The following PRRX1 variants were observed in gnomAD, a reference collection of about 807,000 sequenced individuals.
The protein encoded by PRRX1 is paired related homeobox 1, also known as paired mesoderm homeobox protein 1.
PRRX1 carries 8 observed loss-of-function variants against 24.0 expected under a neutral mutation model. The observed-to-expected ratio is 0.33, with a 90% confidence interval of 0.20 to 0.60. PRRX1 has a LOEUF of 0.60. PRRX1 is among the 20% of genes least tolerant of loss of function. The pLI is 0.82. For missense variants in PRRX1, 281 were observed against 322.4 expected (o/e 0.87, Z 0.98); for synonymous variants, 160 against 131.7 (o/e 1.22, Z -1.47).
At chr1:170,673,440 C>A (rs1356110507) in intron 1 of PRRX1, among the ~76,000 whole-genome samples, 7 of 152,136 alleles carry the variant, frequency 4.6e-5, no homozygotes, top group African/African-American at 1.7e-4. Context: ...GGTGGAACAC[C>A]TTTCTAATCT....
intron 1 of PRRX1, among the ~76,000 whole-genome samples, chr1:170,693,777 G>T (rs1654069436): frequency 6.6e-6 from 1 of 152,032 alleles, no homozygotes; most frequent in Non-Finnish European, 1.5e-5. Context: ...TTTACAAGAG[G>T]AGACACAAGA....
intron 1 of PRRX1, among the ~76,000 whole-genome samples, chr1:170,708,843 T>C (rs1654655824): frequency 6.6e-6 from 1 of 152,192 alleles, no homozygotes; most frequent in African/African-American, 2.4e-5. Flanking sequence ...GGAATTTACA[T>C]GCCTTACAAA....
At chr1:170,730,197 A>G (rs1655384662) in intron 3 of PRRX1, 2 of 1,210,668 alleles carry the variant, frequency 1.7e-6, no homozygotes, top group South Asian at 1.2e-5. Flanking sequence ...TCCTCCCCTC[A>G]TTTGATCGTG....
chr1:170,726,689 T>C (rs1655269166), intron 3 of PRRX1: 1 of 377,050 alleles, frequency 2.7e-6, no homozygotes, highest in Admixed American at 4.2e-5. Context: ...AAAAGATCAT[T>C]AAGCTGTGCC....
At chr1:170,669,286 G>C (rs1653057270) in intron 1 of PRRX1, 1 of 151,862 alleles carries the variant, frequency 6.6e-6, no homozygotes, top group Non-Finnish European at 1.5e-5. Flanking sequence ...CAGAGCGCCA[G>C]GGCTTCAGGC....
rs560741988 is a variant in PRRX1, at chr1:170,716,106, GT to G, written c.242-3617del. On this transcript the variant is annotated intron_variant, in intron 1 of 3. Transcript: ENST00000239461. ...ATGGTTGAATTCGACAATTTCATGG[GT>G]TTCATTAGATGCCAATATTTTATGA... Among the ~76,000 whole-genome samples, 24 of 152,142 alleles carry G rather than the reference GT, an allele frequency of 1.6e-4. No individual in the cohort carries two copies. The East Asian group carries it at 4.3e-3, about 27-fold the overall frequency.
chr1:170,682,039 A>G (rs2101892091), intron 1 of PRRX1, among the ~76,000 whole-genome samples: 1 of 152,230 alleles, frequency 6.6e-6, no homozygotes, highest in South Asian at 2.1e-4. Context: ...GGTTCCTAGG[A>G]AACCTCCAAA....
intron 1 of PRRX1, among the ~76,000 whole-genome samples, chr1:170,700,297 T>C (rs748976187): frequency 8.5e-5 from 13 of 152,152 alleles, no homozygotes; most frequent in Non-Finnish European, 7.4e-5. Context: ...CTAGCTAGTA[T>C]AGAACCGCTG....
At chr1:170,732,401 A>G (rs1288434239) in intron 3 of PRRX1, among the ~76,000 whole-genome samples, 1 of 152,214 alleles carries the variant, frequency 6.6e-6, no homozygotes, top group Non-Finnish European at 1.5e-5. Context: ...GGTCCTCTGC[A>G]TCTTACTTCT....
intron 1 of PRRX1, among the ~76,000 whole-genome samples, chr1:170,714,560 T>C (rs1371599061): frequency 1.8e-5 from 2 of 111,304 alleles, no homozygotes; most frequent in Admixed American, 1.1e-4. Context: ...TCCTAAAATA[T>C]GTTTTTCCGT....
Position 170,721,086 on chromosome 1 carries a change from A to G in PRRX1, c.417+1185A>G, listed in dbSNP as rs1655065603. Among the ~76,000 whole-genome samples the G allele has an allele frequency of 9.2e-5, 14 of 152,322 alleles. No individual in the cohort carries two copies. In the South Asian group the frequency reaches 2.9e-3, roughly 32 times the overall value. Reference sequence around the variant, plus strand: ...AGTGTCTGAAATAGGATTTGAATGCAGATAGGCAGATCCAGAGTTCATGCT... The same window carrying G: ...AGTGTCTGAAATAGGATTTGAATGCGGATAGGCAGATCCAGAGTTCATGCT... On this transcript the variant is annotated intron_variant, in intron 2 of 3. Transcript: ENST00000239461.
Position 170,698,896 on chromosome 1 carries a change from C to T in PRRX1, c.242-20830C>T, listed in dbSNP as rs536076119. Among the ~76,000 whole-genome samples the T allele has an allele frequency of 2.1e-3, 313 of 152,198 alleles. 2 individuals are homozygous for T. Among genetic ancestry groups the T allele is most frequent in the African/African-American group, 7.0e-3 (289 of 41,520 alleles). On this transcript the variant is annotated intron_variant, in intron 1 of 3. Coordinates refer to ENST00000239461, the MANE Select transcript of PRRX1 (RefSeq NM_022716.4). ...AAGGGGGTCTCTGGAGAAGGGGCCCCGGGCTATTAGCTAGCTGTCTAATCC... is the reference window on the plus strand; with the variant it reads ...AAGGGGGTCTCTGGAGAAGGGGCCCTGGGCTATTAGCTAGCTGTCTAATCC...
chr1:170,670,872 T>G (rs1200439920), intron 1 of PRRX1, among the ~76,000 whole-genome samples: 6 of 152,156 alleles, frequency 3.9e-5, no homozygotes, highest in Non-Finnish European at 7.3e-5. Flanking sequence ...ATCTTGGGGA[T>G]TCTTCTGTTC....
intron 3 of PRRX1, among the ~76,000 whole-genome samples, chr1:170,735,609 G>A (rs1168728752): frequency 6.6e-6 from 1 of 152,174 alleles, no homozygotes; most frequent in Non-Finnish European, 1.5e-5. Context: ...GAGTGAAGGA[G>A]CAAAATTCCC....
Position 170,664,363 on chromosome 1 carries a change from G to A in PRRX1, c.145G>A (p.Val49Met). 6.2e-7 allele frequency: 1 copy of A among 1,613,980 alleles called. No homozygotes were observed. Among genetic ancestry groups the A allele is most frequent in the Non-Finnish European group, 8.5e-7 (1 of 1,179,950 alleles). Residue 49 changes from valine (V) to methionine (M), a missense_variant, in exon 1 of 4, where the codon GTG (valine) becomes ATG (methionine). Transcript: ENST00000239461. ...LLDLEEAGDM[V>M]AAQADENVGE... ...AGACCTGGAGGAAGCCGGGGACATG[G>A]TGGCGGCACAGGCGGATGAGAACGT...
At chr1:170,720,249 G>A (rs575665402) in intron 2 of PRRX1, among the ~76,000 whole-genome samples, 9 of 152,272 alleles carry the variant, frequency 5.9e-5, no homozygotes, top group Admixed American at 5.2e-4. Flanking sequence ...GTGCACCCCA[G>A]CCTGGGTGAC....
chr1:170,678,202 C>A (rs1653386954), intron 1 of PRRX1, among the ~76,000 whole-genome samples: 1 of 152,194 alleles, frequency 6.6e-6, no homozygotes, highest in East Asian at 1.9e-4. Context: ...GATATGTGAC[C>A]TGTTTTCATA....
chr1:170,672,580 C>A (rs1349804476), intron 1 of PRRX1, among the ~76,000 whole-genome samples: 2 of 152,160 alleles, frequency 1.3e-5, no homozygotes, highest in Non-Finnish European at 2.9e-5. Context: ...GATGGGTGAT[C>A]CCAGTCCTCT....
chr1:170,723,465 T>C (rs1439492284), intron 2 of PRRX1, among the ~76,000 whole-genome samples: 3 of 152,246 alleles, frequency 2.0e-5, no homozygotes, highest in Non-Finnish European at 4.4e-5. Context: ...GTTTCTCATC[T>C]CTCTCTTTCC....
Sources: gnomAD v4.1 joint callset for allele counts (sites outside exome capture counted in the v4.1 genomes callset) on GRCh38, gnomAD v4.1.1 for gene constraint, MANE v1.5 for transcripts, NCBI Gene and HGNC (gene_info 2026-07-23, HGNC 2026-07-21) for gene names.